STK3: variants seen among roughly 807,000 people sequenced by gnomAD.
The protein encoded by STK3 is serine/threonine kinase 3.
A neutral mutation model predicts 58.0 loss-of-function variants in STK3; 41 were observed. The observed-to-expected ratio is 0.71, with a 90% CI of 0.55 to 0.92. The LOEUF is 0.92. Among genes scored for constraint, STK3 ranks in the 40% least tolerant of loss-of-function variants. The pLI is 0.00. For synonymous variants in STK3, 170 were observed against 191.0 expected (o/e 0.89, Z 0.91); for missense variants, 479 against 602.7 (o/e 0.79, Z 2.15).
chr8:98,742,667 G>T (rs1270623805), intron 4 of STK3, among the ~76,000 whole-genome samples: 5 of 150,052 alleles, frequency 3.3e-5, no homozygotes, highest in Non-Finnish European at 5.9e-5. Flanking sequence ...TTTGAAAACT[G>T]GCACAAGACA....
chr8:98,745,762 C>G (rs1380954372), intron 4 of STK3, among the ~76,000 whole-genome samples: 1 of 151,950 alleles, frequency 6.6e-6, no homozygotes, highest in African/African-American at 2.4e-5. Flanking sequence ...GCCAAAGGAC[C>G]ATATCCTAGA....
chr8:98,904,331 C>A (rs1172777169), intron 1 of STK3, among the ~76,000 whole-genome samples: 1 of 151,930 alleles, frequency 6.6e-6, no homozygotes, highest in African/African-American at 2.4e-5. Context: ...AAAGGGGATG[C>A]CAGCATAATC....
In STK3 at chr8:98,706,519, G is replaced by T; in HGVS notation, c.632C>A (p.Ser211Tyr). Reference sequence around the variant, plus strand: ...AGGTTTTCCTTCAGCCATTTCTATAGAAGTAATGCCAAGGGACCAGATGTC... The same window carrying T: ...AGGTTTTCCTTCAGCCATTTCTATATAAGTAATGCCAAGGGACCAGATGTC... ...VADIWSLGITSIEMAEGKPPY... is the reference protein window; with the variant it reads ...VADIWSLGITYIEMAEGKPPY... The change falls in exon 6 of 11, where the codon TCT (serine) becomes TAT (tyrosine). Residue 211 changes from serine to tyrosine, a missense_variant. By Grantham distance (144) the Ser-to-Tyr change is moderately radical. Around this residue, in one of 3 missense-constraint regions of STK3, gnomAD observed 309 missense variants for 355.7 expected, o/e 0.87. Coordinates refer to ENST00000419617, the MANE Select transcript of STK3 (RefSeq NM_006281.4). The T allele has an allele frequency of 6.2e-7, 1 of 1,613,838 alleles. No homozygotes were observed. The highest frequency in any genetic ancestry group is 8.5e-7 in the Non-Finnish European group (1 of 1,179,898).
chr8:98,883,884 G>C, intron 1 of STK3: 1 of 586,844 alleles, frequency 1.7e-6, no homozygotes, highest in Non-Finnish European at 3.1e-6. Flanking sequence ...TGAAGCCAGA[G>C]GGGCAGTCAC....
At chr8:98,469,536 G>A (rs1431398817) in intron 10 of STK3, among the ~76,000 whole-genome samples, 1 of 152,228 alleles carries the variant, frequency 6.6e-6, no homozygotes, top group East Asian at 1.9e-4. Flanking sequence ...CAGAGGCAGA[G>A]AACTGAGGTT....
intron 4 of STK3, among the ~76,000 whole-genome samples, chr8:98,722,108 A>G (rs1270737158): frequency 6.6e-6 from 1 of 152,162 alleles, no homozygotes; most frequent in African/African-American, 2.4e-5. Context: ...TAAAAAAAGT[A>G]GCTCACTATC....
At chr8:98,600,706 TCTAA>T (rs1816265663) in intron 6 of STK3, among the ~76,000 whole-genome samples, 1 of 152,166 alleles carries the variant, frequency 6.6e-6, no homozygotes, top group South Asian at 2.1e-4. Context: ...TTTTACTGTC[TCTAA>T]CGGTGGAAAA....
chr8:98,566,055 G>C (rs1049197246), intron 8 of STK3, among the ~76,000 whole-genome samples: 4 of 152,068 alleles, frequency 2.6e-5, no homozygotes, highest in Admixed American at 2.6e-4. Context: ...TTAGAAATCT[G>C]TACAATTACC....
At chr8:98,357,483 C>T in the STK3 span, among the ~76,000 whole-genome samples, 2 of 152,158 alleles carry the variant, frequency 1.3e-5, no homozygotes, top group Non-Finnish European at 2.9e-5. Context: ...CATAGCACAC[C>T]GTACCTCATG....
chr8:98,877,681 C>T (rs959061457), intron 3 of STK3, among the ~76,000 whole-genome samples: 1 of 152,054 alleles, frequency 6.6e-6, no homozygotes, highest in African/African-American at 2.4e-5. Flanking sequence ...CGGGGTTTCT[C>T]CATGTTGGTC....
chr8:98,539,017 G>C (rs1810009966), intron 9 of STK3, among the ~76,000 whole-genome samples: 1 of 152,110 alleles, frequency 6.6e-6, no homozygotes, highest in Non-Finnish European at 1.5e-5. Context: ...CACCTTTATT[G>C]TCATATCCCG....
intron 1 of STK3, among the ~76,000 whole-genome samples, chr8:98,917,701 A>G (rs1405772391): frequency 2.6e-5 from 4 of 152,198 alleles, no homozygotes; most frequent in African/African-American, 9.6e-5. Flanking sequence ...TTCATAAGCT[A>G]TCCAGTCTAT....
rs1836268096 is a variant in STK3, at chr8:98,847,770, T to C, written c.110+35877A>G. 2.0e-5 allele frequency among the ~76,000 whole-genome samples: 3 copies of C among 152,198 alleles called. No homozygotes were observed. The South Asian group carries it at 6.2e-4, about 32-fold the overall frequency. ...TTAAAAATATTTCTTCCTAATTATG[T>C]GCTTACTTAACCCCAGCCAGTTTTA... On this transcript the variant is annotated intron_variant, in intron 3 of 12. Coordinates refer to the STK3 transcript ENST00000523601.
intron 1 of STK3, among the ~76,000 whole-genome samples, chr8:98,813,430 C>T (rs1042549560): frequency 6.6e-6 from 1 of 152,064 alleles, no homozygotes; most frequent in Non-Finnish European, 1.5e-5. Flanking sequence ...TAATTATTGG[C>T]ACCATAAAGA....
At chr8:98,909,563 T>C (rs1315527963) in intron 1 of STK3, among the ~76,000 whole-genome samples, 3 of 152,356 alleles carry the variant, frequency 2.0e-5, no homozygotes, top group South Asian at 2.1e-4. Context: ...TTCTGATCTG[T>C]AGAGTTCCCT....
chr8:98,884,562 G>T (rs1356346559), intron 1 of STK3, among the ~76,000 whole-genome samples: 1 of 152,088 alleles, frequency 6.6e-6, no homozygotes, highest in African/African-American at 2.4e-5. Context: ...CCTGGTTCAG[G>T]ATTGCAGTGG....
At chr8:98,517,294 G>A (rs185265258) in intron 10 of STK3, among the ~76,000 whole-genome samples, 4 of 152,044 alleles carry the variant, frequency 2.6e-5, no homozygotes, top group Non-Finnish European at 4.4e-5. Context: ...CTAGATTCTG[G>A]ATTTTTAAAA....
chr8:98,589,096 C>T (rs1285683200), intron 7 of STK3, among the ~76,000 whole-genome samples: 1 of 152,178 alleles, frequency 6.6e-6, no homozygotes, highest in African/African-American at 2.4e-5. Flanking sequence ...CTTCTCTCAG[C>T]TCGTCAAAGT....
In STK3 at chr8:98,825,526, C is replaced by T; in HGVS notation, c.15G>A (p.Pro5=). The T allele has an allele frequency of 4.8e-6, 7 of 1,457,346 alleles. No homozygotes were observed. Among genetic ancestry groups the T allele is most frequent in the Non-Finnish European group, 6.4e-6 (7 of 1,099,500 alleles). The allele number at this position is 1,457,346 out of a possible 1,614,324, so 90.3% of individuals were successfully genotyped here. ...CCCCGATTCGTTACCTCTTAGGCGC[C>T]GGCGGCTGCTCCATGGCGGCCGGGG... MEQP[P]APKSKLKKLS... The change falls in exon 1 of 11, where the codon CCG becomes CCA. Residue 5 remains proline, a synonymous_variant. Transcript: ENST00000419617.
Sources: gnomAD v4.1 joint callset for allele counts (sites outside exome capture counted in the v4.1 genomes callset) on GRCh38, gnomAD v4.1.1 for gene constraint, gnomAD v4.1.1 regional missense constraint, MANE v1.5 for transcripts, NCBI Gene and HGNC (gene_info 2026-07-23, HGNC 2026-07-21) for gene names.